WWOX: variants seen among roughly 807,000 people sequenced by gnomAD.
WWOX encodes the protein WW domain containing oxidoreductase.
In WWOX, 69 loss-of-function variants were observed where a neutral mutation model predicts 46.2. That is an observed-to-expected ratio of 1.49 (90% confidence interval 1.23 to 1.82). The LOEUF (loss-of-function observed/expected upper bound fraction) is 1.82, where lower values mean the gene tolerates loss of function less well. Among genes scored for constraint, WWOX ranks in the 40% most tolerant of loss-of-function variants. WWOX has a pLI of 0.00. For synonymous variants in WWOX, 359 were observed against 202.6 expected (o/e 1.77, Z -6.56); for missense variants, 919 against 542.6 (o/e 1.69, Z -6.89).
chr16:78,692,621 T>G (rs929639742), intron 8 of WWOX, among the ~76,000 whole-genome samples: 3 of 152,194 alleles, frequency 2.0e-5, no homozygotes, highest in African/African-American at 4.8e-5. Flanking sequence ...CCCCCATGTT[T>G]ATAAAACTTA....
intron 5 of WWOX, among the ~76,000 whole-genome samples, chr16:78,362,576 T>C (rs1346644981): frequency 1.3e-5 from 2 of 151,980 alleles, no homozygotes; most frequent in Non-Finnish European, 2.9e-5. Context: ...ACCACTGCAC[T>C]CCAGCCTGGG....
At chr16:78,954,766 C>G (rs997506277) in intron 8 of WWOX, among the ~76,000 whole-genome samples, 4 of 151,934 alleles carry the variant, frequency 2.6e-5, no homozygotes, top group South Asian at 2.1e-4. Context: ...AGCTACATGA[C>G]CAATTTGTTC....
chr16:79,032,456 A>G (rs1229776267), intron 8 of WWOX, among the ~76,000 whole-genome samples: 2 of 147,570 alleles, frequency 1.4e-5, no homozygotes, highest in African/African-American at 4.9e-5. Context: ...ATGGGTTTCT[A>G]TATATTATAA....
At chr16:78,968,585 G>C (rs1373301580) in intron 8 of WWOX, among the ~76,000 whole-genome samples, 1 of 152,134 alleles carries the variant, frequency 6.6e-6, no homozygotes, top group East Asian at 1.9e-4. Context: ...CAGAGCAATG[G>C]GGCAGGCTTT....
At chr16:79,207,275 G>C (rs909890625) in intron 8 of WWOX, among the ~76,000 whole-genome samples, 3 of 152,240 alleles carry the variant, frequency 2.0e-5, no homozygotes, top group Non-Finnish European at 4.4e-5. Context: ...TATTTGCTTT[G>C]TCCAACAGAC....
intron 8 of WWOX, among the ~76,000 whole-genome samples, chr16:78,537,119 G>A (rs1188628756): frequency 1.3e-5 from 2 of 151,980 alleles, no homozygotes; most frequent in Non-Finnish European, 1.5e-5. Context: ...GTTTTGCCAT[G>A]TTGTCCAGGC....
intron 5 of WWOX, among the ~76,000 whole-genome samples, chr16:78,168,987 T>G (rs1319455538): frequency 2.6e-5 from 4 of 152,072 alleles, no homozygotes; most frequent in Non-Finnish European, 4.4e-5. Flanking sequence ...AGTAAACCAC[T>G]GTCTTAAAAG....
chr16:79,042,728 G>GTTTTTTTTTTTTTTTT (rs11379084), intron 8 of WWOX, among the ~76,000 whole-genome samples: 2 of 143,124 alleles, frequency 1.4e-5, no homozygotes, highest in Non-Finnish European at 1.5e-5. Flanking sequence ...AATACTCAGG[G>GTTTTTTTTTTTTTTTT]TTTTTTTTTT....
At chr16:78,468,187 C>T (rs1003665548) in intron 8 of WWOX, among the ~76,000 whole-genome samples, 2 of 152,076 alleles carry the variant, frequency 1.3e-5, no homozygotes, top group African/African-American at 2.4e-5. Flanking sequence ...GGCTTTCTAC[C>T]AGTTCTCTGC....
chr16:78,100,091 G>T (rs1301541892), intron 1 of WWOX: 2 of 1,381,232 alleles, frequency 1.4e-6, no homozygotes, highest in African/African-American at 3.1e-5. Flanking sequence ...GGGGTCACCT[G>T]GTGGCTTCCC....
chr16:78,422,900 C>A (rs957609204), intron 6 of WWOX, among the ~76,000 whole-genome samples: 14 of 115,922 alleles, frequency 1.2e-4, no homozygotes, highest in Non-Finnish European at 2.3e-4. Context: ...TTTTTTTTTT[C>A]TTTTAGATGG....
At chr16:78,998,196 A>C (rs1392786008) in intron 8 of WWOX, among the ~76,000 whole-genome samples, 1 of 152,158 alleles carries the variant, frequency 6.6e-6, no homozygotes, top group African/African-American at 2.4e-5. Flanking sequence ...ACATTCTTTA[A>C]GAAAACTGCA....
chr16:78,414,092 A>T (rs1359749634), intron 6 of WWOX, among the ~76,000 whole-genome samples: 2 of 151,714 alleles, frequency 1.3e-5, no homozygotes, highest in Non-Finnish European at 2.9e-5. Context: ...CCTCTTCCTG[A>T]GGCAGTGAGT....
intron 4 of WWOX, among the ~76,000 whole-genome samples, chr16:78,144,966 C>T (rs2034148736): frequency 6.6e-6 from 1 of 152,082 alleles, no homozygotes; most frequent in Admixed American, 6.5e-5. Context: ...TCTTATTATT[C>T]CCCTTTCACA....
At chr16:78,362,614 C>T (rs181723562) in intron 5 of WWOX, among the ~76,000 whole-genome samples, 2 of 151,950 alleles carry the variant, frequency 1.3e-5, no homozygotes, top group East Asian at 1.9e-4. Flanking sequence ...ATCTACCCCC[C>T]ACCCTGCAAA....
Position 78,787,080 on chromosome 16 carries a change from G to A in WWOX, c.1056+354328G>A, listed in dbSNP as rs770451375. ...GGAGAATCGCTTGAACCTGGGAGGC[G>A]GAGGTTGCAGTGAGCCAAGATTGCA... On this transcript the variant is annotated intron_variant, in intron 8 of 8. Transcript: ENST00000566780. Among the ~76,000 whole-genome samples the A allele has an allele frequency of 7.2e-4, 109 of 152,228 alleles. 1 individual carries two copies. Among genetic ancestry groups the A allele is most frequent in the South Asian group, 2.1e-4 (1 of 4,824 alleles).
chr16:78,287,930 C>A (rs1833713783), intron 5 of WWOX, among the ~76,000 whole-genome samples: 2 of 152,194 alleles, frequency 1.3e-5, no homozygotes, highest in African/African-American at 4.8e-5. Context: ...AGCTGAAACT[C>A]TCTCTTTCCC....
chr16:78,693,463 T>G (rs1412339499), intron 8 of WWOX, among the ~76,000 whole-genome samples: 1 of 152,142 alleles, frequency 6.6e-6, no homozygotes, highest in Non-Finnish European at 1.5e-5. Context: ...CCAGCTTCTA[T>G]TTTTTTCCAC....
chr16:78,812,302 G>A (rs2051210204), intron 8 of WWOX, among the ~76,000 whole-genome samples: 1 of 152,118 alleles, frequency 6.6e-6, no homozygotes, highest in Non-Finnish European at 1.5e-5. Flanking sequence ...CCAGCCACAG[G>A]CCATCTCTTG....
Sources: allele counts gnomAD v4.1 joint callset (sites outside exome capture counted in the v4.1 genomes callset), GRCh38; gene constraint gnomAD v4.1.1; transcripts MANE v1.5; gene names NCBI Gene and HGNC (gene_info 2026-07-23, HGNC 2026-07-21).